The following MSRA variants were observed in gnomAD, a reference collection of about 807,000 sequenced individuals.
MSRA encodes the protein methionine sulfoxide reductase A.
A neutral mutation model predicts 31.3 loss-of-function variants in MSRA; 54 were observed. That is an observed-to-expected ratio of 1.73 (90% CI 1.39 to 2.17). The LOEUF (loss-of-function observed/expected upper bound fraction) is 2.17, where lower values mean the gene tolerates loss of function less well. Ranked by LOEUF, MSRA falls within the 30% of genes most tolerant of loss-of-function variation. The pLI is 0.00. For missense variants in MSRA, 507 were observed against 300.9 expected (o/e 1.69, Z -5.07); for synonymous variants, 169 against 116.5 (o/e 1.45, Z -2.90).
Position 10,229,399 on chromosome 8 carries a change from C to T in MSRA, c.212-15705C>T, listed in dbSNP as rs554154755. 5.3e-5 allele frequency among the ~76,000 whole-genome samples: 8 copies of T among 152,280 alleles called. No homozygotes were observed. The East Asian group carries it at 1.4e-3, about 26-fold the overall frequency. On this transcript the variant is annotated intron_variant, in intron 2 of 5. Coordinates refer to ENST00000317173, the MANE Select transcript of MSRA (RefSeq NM_012331.5). ...ACTGGCTCAGGAATTCTGTAGGCAG[C>T]GTCCAGAGAGGCTGCTATGAGGCTG...
chr8:10,399,173 C>T (rs926647090), intron 5 of MSRA, among the ~76,000 whole-genome samples: 1 of 152,202 alleles, frequency 6.6e-6, no homozygotes, highest in Non-Finnish European at 1.5e-5. Context: ...CTGCTGTGTG[C>T]CAGGTACGTG....
chr8:10,267,549 G>A (rs1798810684), intron 3 of MSRA, among the ~76,000 whole-genome samples: 1 of 152,108 alleles, frequency 6.6e-6, no homozygotes, highest in Non-Finnish European at 1.5e-5. Flanking sequence ...GGGGCAAGTG[G>A]ATTTGTCCCG....
At chr8:10,345,823 A>C (rs980346945) in intron 5 of MSRA, among the ~76,000 whole-genome samples, 11 of 152,230 alleles carry the variant, frequency 7.2e-5, no homozygotes, top group Non-Finnish European at 1.3e-4. Context: ...TAAAAGGTCA[A>C]ATCTACCTTT....
At chr8:10,076,701 C>T (rs1313879452) in intron 1 of MSRA, among the ~76,000 whole-genome samples, 1 of 152,098 alleles carries the variant, frequency 6.6e-6, no homozygotes, top group Non-Finnish European at 1.5e-5. Context: ...CCCTTACCCA[C>T]AGTGGTGGCT....
chr8:10,320,570 A>G (rs1172222249), intron 5 of MSRA, among the ~76,000 whole-genome samples: 2 of 152,064 alleles, frequency 1.3e-5, no homozygotes, highest in Non-Finnish European at 2.9e-5. Context: ...TTCTCTCTTT[A>G]TTTCTGTCTC....
At chr8:10,419,667 T>C (rs1346163310) in intron 5 of MSRA, among the ~76,000 whole-genome samples, 1 of 152,196 alleles carries the variant, frequency 6.6e-6, no homozygotes, top group Non-Finnish European at 1.5e-5. Flanking sequence ...ACTCTGAGTA[T>C]GTCTCCTGTC....
intron 5 of MSRA, among the ~76,000 whole-genome samples, chr8:10,393,219 A>T (rs1426515991): frequency 6.6e-6 from 1 of 151,668 alleles, no homozygotes; most frequent in Admixed American, 6.6e-5. Flanking sequence ...TCAGTGTAAG[A>T]AGAAGAGACG....
chr8:10,348,606 G>A (rs1169506777), intron 5 of MSRA, among the ~76,000 whole-genome samples: 1 of 152,016 alleles, frequency 6.6e-6, no homozygotes, highest in Admixed American at 6.6e-5. Flanking sequence ...TTGACCTCGT[G>A]ATCCGCCTGC....
intron 5 of MSRA, among the ~76,000 whole-genome samples, chr8:10,356,047 G>T (rs1012486114): frequency 6.6e-6 from 1 of 152,170 alleles, no homozygotes; most frequent in African/African-American, 2.4e-5. Flanking sequence ...CTGTGCCATC[G>T]ACCTGAAGGC....
At chr8:10,112,985 C>T (rs1399594888) in intron 1 of MSRA, among the ~76,000 whole-genome samples, 1 of 152,230 alleles carries the variant, frequency 6.6e-6, no homozygotes, top group Admixed American at 6.5e-5. Flanking sequence ...CCCTGCTGGT[C>T]CATAACAGTG....
At chr8:10,288,124 C>T (rs1159782623) in intron 3 of MSRA, among the ~76,000 whole-genome samples, 2 of 152,164 alleles carry the variant, frequency 1.3e-5, no homozygotes, top group African/African-American at 4.8e-5. Context: ...TTGGTTTGGT[C>T]ACCATTTTGA....
At chr8:10,092,625 G>A (rs961655792) in intron 1 of MSRA, among the ~76,000 whole-genome samples, 15 of 149,616 alleles carry the variant, frequency 1.0e-4, no homozygotes, top group Admixed American at 4.1e-4. Context: ...GCCTGGTGAC[G>A]GAGTGAGATT....
intron 3 of MSRA, among the ~76,000 whole-genome samples, chr8:10,289,327 T>A (rs1800107641): frequency 6.6e-6 from 1 of 152,096 alleles, no homozygotes; most frequent in South Asian, 2.1e-4. Context: ...TTTTAATTTT[T>A]GTGTGTACAT....
intron 5 of MSRA, among the ~76,000 whole-genome samples, chr8:10,413,068 C>A (rs1338128672): frequency 6.6e-6 from 1 of 152,234 alleles, no homozygotes; most frequent in Non-Finnish European, 1.5e-5. Context: ...AGGAAACAAC[C>A]TAAGTGGCCT....
intron 5 of MSRA, among the ~76,000 whole-genome samples, chr8:10,379,307 G>C (rs1224036332): frequency 1.4e-5 from 2 of 144,296 alleles, no homozygotes; most frequent in African/African-American, 2.5e-5. Context: ...GCTTAACGAA[G>C]AAAAAAAAAA....
chr8:10,113,405 G>A (rs531846184), intron 1 of MSRA, among the ~76,000 whole-genome samples: 5 of 148,840 alleles, frequency 3.4e-5, no homozygotes, highest in Non-Finnish European at 7.4e-5. Context: ...TGGGATAAAG[G>A]GCACAGGGGT....
chr8:10,225,620 G>C (rs1280707492), intron 2 of MSRA, among the ~76,000 whole-genome samples: 9 of 152,208 alleles, frequency 5.9e-5, no homozygotes, highest in Admixed American at 5.9e-4. Context: ...GACTTAAAGA[G>C]GAAGTCTCAA....
At chr8:10,140,840 G>A (rs886524092) in intron 1 of MSRA, among the ~76,000 whole-genome samples, 15 of 151,970 alleles carry the variant, frequency 9.9e-5, no homozygotes, top group African/African-American at 3.4e-4. Context: ...GAGTGATTGA[G>A]GATGAAAAAG....
chr8:10,068,368 C>T (rs188756695), intron 1 of MSRA, among the ~76,000 whole-genome samples: 28 of 152,162 alleles, frequency 1.8e-4, no homozygotes, highest in South Asian at 4.1e-4. Context: ...TTGTGCCTTT[C>T]GTGTATCTAA....
Sources: gnomAD v4.1 joint callset for allele counts (sites outside exome capture counted in the v4.1 genomes callset) on GRCh38, gnomAD v4.1.1 for gene constraint, MANE v1.5 for transcripts, NCBI Gene and HGNC (gene_info 2026-07-23, HGNC 2026-07-21) for gene names.